Variants in PCDHA12 observed in about 807,000 individuals in gnomAD.
PCDHA12 encodes the protein protocadherin alpha-12.
Under a neutral mutation model 60.0 loss-of-function variants are expected in PCDHA12, and 44 were observed. That is an observed-to-expected ratio of 0.73 (90% CI 0.58 to 0.94). PCDHA12 has a LOEUF of 0.94. Ranked by LOEUF, PCDHA12 falls within the 40% of genes least tolerant of loss-of-function variation. The pLI is 0.00. For missense variants in PCDHA12, 1,276 were observed against 1,239.7 expected, an observed-to-expected ratio of 1.03 and a Z score of -0.44; for synonymous variants, 569 against 553.0, an observed-to-expected ratio of 1.03 and a Z score of -0.40.
chr5:140,964,747 G>C (rs1170890203), intron 1 of PCDHA12, among the ~76,000 whole-genome samples: 3 of 151,868 alleles, frequency 2.0e-5, no homozygotes, highest in Non-Finnish European at 4.4e-5. Context: ...AATTATTGTA[G>C]GGATGTTTGG....
chr5:140,928,801 G>C, intron 1 of PCDHA12: 1 of 1,614,184 alleles, frequency 6.2e-7, no homozygotes, highest in Non-Finnish European at 8.5e-7. Context: ...GGTGGTGGTA[G>C]TGGTTCGGGA....
chr5:140,985,494 C>G (rs1217361161), intron 3 of PCDHA12, among the ~76,000 whole-genome samples: 2 of 152,136 alleles, frequency 1.3e-5, no homozygotes, highest in Non-Finnish European at 2.9e-5. Flanking sequence ...TCAAATAGAG[C>G]CTGCCTTTCA....
chr5:140,929,282 A>T, intron 1 of PCDHA12: 1 of 1,601,564 alleles, frequency 6.2e-7, no homozygotes, highest in South Asian at 1.1e-5. Flanking sequence ...TCCTGTATTC[A>T]GATTCGGAAT....
rs1160767102 is a variant in PCDHA12, at chr5:140,964,322, A to G, written c.2368-14627A>G. On this transcript the variant is annotated intron_variant, in intron 1 of 3. Coordinates refer to ENST00000398631, the MANE Select transcript of PCDHA12 (RefSeq NM_018903.4). ...TACCTACAAGGCCTAAAACAGCATA[A>G]TGGACAACCTGGCAGGTGTCCTTGC... Among the ~76,000 whole-genome samples the G allele has an allele frequency of 2.0e-5, 3 of 152,346 alleles. No individual in the cohort carries two copies. The East Asian group carries it at 5.8e-4, about 29-fold the overall frequency.
At chr5:140,927,076 C>T (rs142317713) in intron 1 of PCDHA12, 7 of 1,611,008 alleles carry the variant, frequency 4.3e-6, no homozygotes, top group Non-Finnish European at 5.1e-6. Context: ...TTCCAGCCAC[C>T]GCGAGCTCTA....
chr5:140,925,088 A>G (rs536355365), intron 1 of PCDHA12, among the ~76,000 whole-genome samples: 11 of 151,436 alleles, frequency 7.3e-5, no homozygotes, highest in African/African-American at 2.7e-4. Context: ...CTGGAAAGGA[A>G]GGAAGGAAGG....
intron 1 of PCDHA12, chr5:140,884,342 G>T (rs782616190): frequency 6.2e-7 from 1 of 1,613,902 alleles, no homozygotes; most frequent in Admixed American, 1.7e-5. Flanking sequence ...TCCAGAAGCG[G>T]CGCTGGTGGA....
intron 1 of PCDHA12, among the ~76,000 whole-genome samples, chr5:140,971,573 CT>C (rs1203027280): frequency 6.6e-6 from 1 of 152,110 alleles, no homozygotes; most frequent in African/African-American, 2.4e-5. Flanking sequence ...GTTGGGCTTT[CT>C]TTTTTTCCTA....
At chr5:140,895,994 A>G (rs1554186774) in intron 1 of PCDHA12, among the ~76,000 whole-genome samples, 1 of 152,038 alleles carries the variant, frequency 6.6e-6, no homozygotes, top group Non-Finnish European at 1.5e-5. Context: ...TATTTTAAGT[A>G]GAGACAGGGT....
At chr5:140,958,744 A>G (rs1421311606) in intron 1 of PCDHA12, among the ~76,000 whole-genome samples, 1 of 152,156 alleles carries the variant, frequency 6.6e-6, no homozygotes, top group Non-Finnish European at 1.5e-5. Context: ...AAAGAGAGAA[A>G]GGAGATTTTT....
Position 140,969,468 on chromosome 5 carries a change from A to G in PCDHA12, c.2368-9481A>G, listed in dbSNP as rs1554231867. 18 of 1,486,304 alleles carry G rather than the reference A, an allele frequency of 1.2e-5. No individual in the cohort carries two copies. In the South Asian group the frequency reaches 2.5e-4, roughly 21 times the overall value. 92.1% of individuals were successfully genotyped at this position (1,486,304 alleles called of 1,614,324 possible). The stretch of plus-strand genomic sequence containing the variant: ...AAACTGAGTATATATAGTATCCACA[A>G]TTTGATCATAATCTGCTATTTCCTC... On this transcript the variant is annotated intron_variant, in intron 1 of 3. Transcript: ENST00000398631.
intron 1 of PCDHA12, chr5:140,883,163 A>C: frequency 6.2e-7 from 1 of 1,614,068 alleles, no homozygotes; most frequent in South Asian, 1.1e-5. Context: ...AAATCCGAAC[A>C]ATGGAGAAAT....
In PCDHA12 at chr5:140,877,521, AG is replaced by A; in HGVS notation, c.2050del (p.Val684TrpfsTer46). 6.2e-7 allele frequency: 1 copy of A among 1,613,770 alleles called. No homozygotes were observed. The highest frequency in any genetic ancestry group is 1.3e-5 in the African/African-American group (1 of 75,044). ...QAPKTSSRASVGAVDPEAALV... is the reference protein window; with the variant it reads ...QAPKTSSRASXGAVDPEAALV... The stretch of plus-strand genomic sequence containing the variant: ...CCCCAAAGACGTCGTCGCGGGCCTC[AG>A]TGGGCGCTGTGGATCCCGAAGCGGC... On this transcript the variant is annotated frameshift_variant, in exon 1 of 4. Coordinates refer to ENST00000398631, the MANE Select transcript of PCDHA12 (RefSeq NM_018903.4). LOFTEE classifies it high-confidence loss of function.
At chr5:140,996,590 C>G (rs1325471388) in intron 3 of PCDHA12, among the ~76,000 whole-genome samples, 7 of 152,096 alleles carry the variant, frequency 4.6e-5, no homozygotes, top group African/African-American at 1.7e-4. Context: ...CAAGGGCCGC[C>G]TCCCCCCATT....
intron 3 of PCDHA12, among the ~76,000 whole-genome samples, chr5:140,984,822 AC>A (rs1398539032): frequency 6.6e-6 from 1 of 152,126 alleles, no homozygotes; most frequent in Non-Finnish European, 1.5e-5. Flanking sequence ...TTTCTTAATT[AC>A]CCTTTCTGTA....
At chr5:140,967,056 G>C in intron 1 of PCDHA12, 1 of 1,612,712 alleles carries the variant, frequency 6.2e-7, no homozygotes, top group Non-Finnish European at 8.5e-7. Flanking sequence ...CTGACGAGTG[G>C]AGCGCTCTTC....
chr5:140,973,105 G>C (rs1166565820), intron 1 of PCDHA12, among the ~76,000 whole-genome samples: 1 of 152,180 alleles, frequency 6.6e-6, no homozygotes, highest in Non-Finnish European at 1.5e-5. Flanking sequence ...AATTATGAAA[G>C]AGTAGCAGAG....
chr5:140,889,518 ATAT>A (rs2062258374), intron 1 of PCDHA12, among the ~76,000 whole-genome samples: 1 of 151,708 alleles, frequency 6.6e-6, no homozygotes, highest in South Asian at 2.1e-4. Flanking sequence ...TCCATTCTTG[ATAT>A]TATTTTTGCT....
intron 3 of PCDHA12, among the ~76,000 whole-genome samples, chr5:141,000,396 T>TCTATAA (rs2097916207): frequency 7.7e-5 from 5 of 65,332 alleles, no homozygotes; most frequent in African/African-American, 3.1e-4. Context: ...TCTCTCTCTC[T>TCTATAA]ATATATATAT....
Sources: allele counts gnomAD v4.1 joint callset (sites outside exome capture counted in the v4.1 genomes callset), GRCh38; gene constraint gnomAD v4.1.1; transcripts MANE v1.5; gene names NCBI Gene and HGNC (gene_info 2026-07-23, HGNC 2026-07-21).